Variants in ELP2 observed in about 807,000 individuals in gnomAD.
ELP2 encodes the protein elongator acetyltransferase complex subunit 2.
A neutral mutation model predicts 119.2 loss-of-function variants in ELP2; 90 were observed. That is an observed-to-expected ratio of 0.75 (90% confidence interval 0.64 to 0.90). The LOEUF (loss-of-function observed/expected upper bound fraction) is 0.90, where lower values mean the gene tolerates loss of function less well. ELP2 is among the 40% of genes least tolerant of loss of function. The pLI is 0.00. For synonymous variants in ELP2, 339 were observed against 331.0 expected, an observed-to-expected ratio of 1.02 and a Z score of -0.26; for missense variants, 921 against 967.8, an observed-to-expected ratio of 0.95 and a Z score of 0.64.
At chr18:36,155,178 T>C (rs2090529906) in intron 12 of ELP2, among the ~76,000 whole-genome samples, 179 bp downstream of exon 12, 1 of 151,392 alleles carries the variant, frequency 6.6e-6, no homozygotes, top group Non-Finnish European at 1.5e-5. Context: ...ACACCCATCT[T>C]CTTTTTGTAT....
Position 36,142,887 on chromosome 18 carries a change from T to C in ELP2, c.717T>C (p.Tyr239=), listed in dbSNP as rs377644072. The part of the protein sequence containing the change: ...QDCLIRIWKL[Y]IKSTSLETQD... The stretch of plus-strand genomic sequence containing the variant: ...GCCTGATAAGAATATGGAAGCTGTA[T>C]ATAAAGTCAACATCTTTAGAAACTC... The change falls in exon 8 of 22, where the codon TAT becomes TAC. Residue 239 remains tyrosine, a synonymous_variant. Transcript: ENST00000358232. 7 of 1,604,628 alleles carry C rather than the reference T, an allele frequency of 4.4e-6. No individual in the cohort carries two copies. The highest frequency in any genetic ancestry group is 6.0e-6 in the Non-Finnish European group (7 of 1,172,390).
At chr18:36,152,158 C>T (rs2090425318) in intron 11 of ELP2, among the ~76,000 whole-genome samples, 1 of 150,952 alleles carries the variant, frequency 6.6e-6, no homozygotes, top group Admixed American at 6.6e-5. Context: ...GATTGCATCA[C>T]TGCACTCTAA....
At chr18:36,137,948 T>G (rs1484893762) in intron 3 of ELP2, 3 of 303,354 alleles carry the variant, frequency 9.9e-6, no homozygotes, top group Non-Finnish European at 1.9e-5. Flanking sequence ...TATGTAGTAA[T>G]GCTGTCAAAA....
chr18:36,171,382 T>C (rs986954714), intron 21 of ELP2, among the ~76,000 whole-genome samples: 3 of 152,258 alleles, frequency 2.0e-5, no homozygotes, highest in African/African-American at 7.2e-5. Flanking sequence ...CTTGCATGCA[T>C]AATATTATTT....
intron 8 of ELP2, 121 bp from the exon 9 acceptor site, chr18:36,144,818 C>T: frequency 2.7e-6 from 2 of 747,554 alleles, no homozygotes; most frequent in Non-Finnish European, 4.5e-6. Flanking sequence ...TTTTTGAATC[C>T]CAACTATCAT....
intron 20 of ELP2, chr18:36,170,819 C>T (rs183174177): frequency 4.6e-5 from 26 of 568,152 alleles, no homozygotes; most frequent in Admixed American, 3.3e-4. Context: ...AACACTGGCT[C>T]ATGGGCCTTG....
At chr18:36,145,069 A>G (rs746513957) in intron 9 of ELP2, 35 bp downstream of exon 9, 2 of 1,512,146 alleles carry the variant, frequency 1.3e-6, no homozygotes, top group Non-Finnish European at 1.8e-6. Flanking sequence ...CCCTTACTCC[A>G]GTTAAATCTT....
At chr18:36,152,826 C>T (rs576924436) in intron 11 of ELP2, among the ~76,000 whole-genome samples, 2 of 152,340 alleles carry the variant, frequency 1.3e-5, no homozygotes, top group East Asian at 3.9e-4. Context: ...CTAAATTAAT[C>T]ACTTTCATAG....
intron 3 of ELP2, 65 bp from the exon 4 acceptor site, chr18:36,138,205 C>G (rs2089899665): frequency 1.8e-5 from 28 of 1,550,730 alleles, no homozygotes; most frequent in Admixed American, 3.4e-5. Flanking sequence ...GCACATTTAT[C>G]CAATTAAATA....
Position 36,159,744 on chromosome 18 carries a change from C to G in ELP2, c.1544C>G (p.Ala515Gly). 1 of 1,613,082 alleles carries G rather than the reference C, an allele frequency of 6.2e-7. No homozygotes were observed. Among genetic ancestry groups the G allele is most frequent in the East Asian group, 2.2e-5 (1 of 44,870 alleles). ...TGTTTCTTCAAACTAGGAGATATAGCTTCTCAGCCTTCTGATGAAGAGGAG... is the reference window on the plus strand; with the variant it reads ...TGTTTCTTCAAACTAGGAGATATAGGTTCTCAGCCTTCTGATGAAGAGGAG... ...SNKAVFQGDI[A>G]SQPSDEEELL... The change falls in exon 15 of 22, where the codon GCT becomes GGT. Residue 515 changes from alanine (A) to glycine (G), a missense_variant. Transcript: ENST00000358232.
chr18:36,141,065 C>A, intron 5 of ELP2, 72 bp from the exon 6 acceptor site: 1 of 1,218,082 alleles, frequency 8.2e-7, no homozygotes, highest in Non-Finnish European at 1.2e-6. Context: ...AGCTTACAAT[C>A]CAGTACAGTT....
At chr18:36,138,932 T>G in intron 5 of ELP2, 60 bp downstream of exon 5, 1 of 1,278,018 alleles carries the variant, frequency 7.8e-7, no homozygotes, top group South Asian at 1.2e-5. Context: ...GTCATATGAT[T>G]AGAACCTAAA....
chr18:36,143,865 A>T (rs1186130438), intron 8 of ELP2, among the ~76,000 whole-genome samples: 2 of 152,234 alleles, frequency 1.3e-5, no homozygotes, highest in African/African-American at 4.8e-5. Flanking sequence ...GTTTTAGCAT[A>T]GGAAGACCTA....
At chr18:36,169,218 G>A (rs941500467) in intron 19 of ELP2, among the ~76,000 whole-genome samples, 2 of 152,050 alleles carry the variant, frequency 1.3e-5, no homozygotes, top group East Asian at 1.9e-4. Context: ...GAGCCACCAC[G>A]CTCAGCCTGC....
chr18:36,147,641 T>G (rs901339024), intron 11 of ELP2, among the ~76,000 whole-genome samples: 1 of 149,806 alleles, frequency 6.7e-6, no homozygotes, highest in Non-Finnish European at 1.5e-5. Flanking sequence ...CTCGAACTCC[T>G]GACCTCAGGT....
rs1313776727 is a variant in ELP2 at position 36,146,001 on chromosome 18, A to T, written c.946A>T (p.Met316Leu). The T allele has an allele frequency of 6.2e-7, 1 of 1,614,108 alleles. No individual in the cohort carries two copies. Among genetic ancestry groups the T allele is most frequent in the Admixed American group, 1.7e-5 (1 of 60,030 alleles). The change falls in exon 10 of 22, where the codon ATG becomes TTG. Residue 316 changes from methionine (M) to leucine (L), a missense_variant. Transcript: ENST00000358232. ...RLLSASMDKT[M>L]ILWAPDEESG... Reference sequence around the variant, plus strand: ...ATTATCTGCTTCCATGGATAAAACCATGATTCTCTGGGCTCCAGATGAAGA... The same window carrying T: ...ATTATCTGCTTCCATGGATAAAACCTTGATTCTCTGGGCTCCAGATGAAGA...
At chr18:36,140,184 G>T (rs546974173) in intron 5 of ELP2, among the ~76,000 whole-genome samples, 1 of 151,924 alleles carries the variant, frequency 6.6e-6, no homozygotes, top group Non-Finnish European at 1.5e-5. Flanking sequence ...TTATTTTTTT[G>T]ACACAGGGTC....
At chr18:36,161,979 A>C (rs1388105602) in intron 17 of ELP2, among the ~76,000 whole-genome samples, 1 of 151,916 alleles carries the variant, frequency 6.6e-6, no homozygotes, top group East Asian at 1.9e-4. Flanking sequence ...CCTGTAATTG[A>C]TTTTTTTTCC....
chr18:36,161,130 T>G, intron 17 of ELP2, 126 bp downstream of exon 17: 1 of 730,724 alleles, frequency 1.4e-6, no homozygotes, highest in South Asian at 1.5e-5. Context: ...TTTTTGAATC[T>G]TACTTTCTCA....
Sources: allele counts gnomAD v4.1 joint callset (sites outside exome capture counted in the v4.1 genomes callset), GRCh38; gene constraint gnomAD v4.1.1; transcripts MANE v1.5; gene names NCBI Gene and HGNC (gene_info 2026-07-23, HGNC 2026-07-21).